The following KBTBD2 variants were observed in gnomAD, a reference collection of about 807,000 sequenced individuals.
The protein encoded by KBTBD2 is kelch repeat and BTB domain containing 2.
In KBTBD2, 17 loss-of-function variants were observed where a neutral mutation model predicts 57.1. The observed-to-expected ratio is 0.30, with a 90% CI of 0.20 to 0.45. The LOEUF is 0.45. Among genes scored for constraint, KBTBD2 ranks in the 20% least tolerant of loss-of-function variants. KBTBD2 has a pLI of 1.00. For synonymous variants in KBTBD2, 267 were observed against 262.7 expected (o/e 1.02, Z -0.16); for missense variants, 515 against 750.6 (o/e 0.69, Z 3.67).
Position 32,879,485 on chromosome 7 carries a change from A to G in KBTBD2, c.120T>C (p.Thr40=), listed in dbSNP as rs1464302860. The G allele has an allele frequency of 5.6e-6, 9 of 1,613,194 alleles. No individual in the cohort carries two copies. The highest frequency in any genetic ancestry group is 7.6e-6 in the Non-Finnish European group (9 of 1,179,404). ...GAACCATCTTATGACAAGGGAATTC[A>G]GTGCCCTCAACAATTAACACTATGT... ...FTDIVLIVEG[T]EFPCHKMVLA... The change falls in exon 2 of 4, where the codon ACT becomes ACC. Residue 40 remains threonine, a synonymous_variant. Coordinates refer to ENST00000304056, the MANE Select transcript of KBTBD2 (RefSeq NM_015483.3).
At chr7:32,874,821 G>A (rs548326850) in intron 3 of KBTBD2, 171 bp downstream of exon 3, 45 of 494,710 alleles carry the variant, frequency 9.1e-5, no homozygotes, top group East Asian at 2.6e-4. Context: ...GTGAAACCCC[G>A]TACTAAAAAT....
In KBTBD2 at chr7:32,873,775, A is replaced by G. The variant is rs139849569; in HGVS notation, c.336+1217T>C. ...TAACTTGAAATCAAAATTCTCAGGT[A>G]TATTAGGTAGTAAAACACACGAAAC... On this transcript the variant is annotated intron_variant, in intron 3 of 3. Coordinates refer to ENST00000304056, the MANE Select transcript of KBTBD2 (RefSeq NM_015483.3). 3.1e-3 allele frequency among the ~76,000 whole-genome samples: 467 copies of G among 152,246 alleles called. 1 individual carries two copies. Among genetic ancestry groups the G allele is most frequent in the African/African-American group, 0.011 (446 of 41,558 alleles).
chr7:32,876,818 G>A (rs1175986228), intron 2 of KBTBD2, among the ~76,000 whole-genome samples: 1 of 151,966 alleles, frequency 6.6e-6, no homozygotes, highest in Non-Finnish European at 1.5e-5. Context: ...TTTGCTGGGC[G>A]TGGTGGCAGG....
At chr7:32,878,054 G>T (rs1181415587) in intron 2 of KBTBD2, among the ~76,000 whole-genome samples, 2 of 151,414 alleles carry the variant, frequency 1.3e-5, no homozygotes, top group Admixed American at 1.3e-4. Flanking sequence ...AGAGGTTGCA[G>T]TGAGTCGAGA....
Position 32,869,255 on chromosome 7 carries a change from A to G in KBTBD2, c.*90T>C. ...ATTTATCAAAGATAGAATTTTATGT[A>G]CTCATATTTAGTTCTTTCATAGCCT... is the stretch of plus-strand genomic sequence containing the variant. On this transcript the variant is annotated 3_prime_UTR_variant, in exon 4 of 4. Coordinates refer to ENST00000304056, the MANE Select transcript of KBTBD2 (RefSeq NM_015483.3). 1 of 848,092 alleles carries G rather than the reference A, an allele frequency of 1.2e-6. No homozygotes were observed. The highest frequency in any genetic ancestry group is 1.8e-6 in the Non-Finnish European group (1 of 543,300). The allele number at this position is 848,092 out of a possible 1,614,324, so 52.5% of individuals were successfully genotyped here. A position where few individuals can be genotyped will look rare whatever the true frequency, so the allele number is the denominator to read the frequency against.
intron 1 of KBTBD2, among the ~76,000 whole-genome samples, chr7:32,890,798 C>T (rs1219569820): frequency 6.6e-6 from 1 of 152,156 alleles, no homozygotes; most frequent in Non-Finnish European, 1.5e-5. Context: ...CGCTCCTCTA[C>T]CTTTTGAGGC....
intron 3 of KBTBD2, among the ~76,000 whole-genome samples, chr7:32,873,381 A>G (rs1450509369): frequency 3.5e-5 from 4 of 113,898 alleles, no homozygotes; most frequent in Non-Finnish European, 7.0e-5. Context: ...TCTAAGCTCT[A>G]AGCAAAAAAA....
intron 1 of KBTBD2, among the ~76,000 whole-genome samples, chr7:32,887,318 T>C (rs1784604388): frequency 6.6e-6 from 1 of 152,214 alleles, no homozygotes; most frequent in Admixed American, 6.5e-5. Flanking sequence ...ACTGATCTGT[T>C]ACACAGCATG....
intron 1 of KBTBD2, among the ~76,000 whole-genome samples, chr7:32,885,358 C>G (rs1381296376): frequency 6.6e-6 from 1 of 151,468 alleles, no homozygotes; most frequent in Non-Finnish European, 1.5e-5. Flanking sequence ...TTCTTCTCAA[C>G]CAAAATATTC....
intron 2 of KBTBD2, 77 bp from the exon 3 acceptor site, chr7:32,875,234 CAAT>C: frequency 7.9e-7 from 1 of 1,270,016 alleles, no homozygotes; most frequent in Non-Finnish European, 1.1e-6. Flanking sequence ...AACAATTAGA[CAAT>C]AAGAGGTGTT....
Position 32,875,087 on chromosome 7 carries a change from T to G in KBTBD2, c.241A>C (p.Thr81Pro), listed in dbSNP as rs745455328. ...HVHLRNVDAA[T>P]LQIIITYAYT... ...GCATAAGTTATTATTATCTGTAAGGTGGCAGCATCGACATTCCTCAGGTGT... is the reference window on the plus strand; with the variant it reads ...GCATAAGTTATTATTATCTGTAAGGGGGCAGCATCGACATTCCTCAGGTGT... The change falls in exon 3 of 4, where the codon ACC becomes CCC. Residue 81 changes from threonine (T) to proline (P), a missense_variant. Thr to Pro is a conservative substitution (Grantham distance 38). Coordinates refer to ENST00000304056, the MANE Select transcript of KBTBD2 (RefSeq NM_015483.3). The G allele has an allele frequency of 2.5e-6, 4 of 1,614,086 alleles. No homozygotes were observed. In the African/African-American group the frequency reaches 5.3e-5, roughly 22 times the overall value.
At chr7:32,883,546 A>G (rs555066851) in intron 1 of KBTBD2, among the ~76,000 whole-genome samples, 1 of 135,842 alleles carries the variant, frequency 7.4e-6, no homozygotes, top group East Asian at 2.1e-4. Flanking sequence ...AGTATGTACT[A>G]TATTAATTAC....
intron 1 of KBTBD2, among the ~76,000 whole-genome samples, chr7:32,884,270 T>C (rs1259868046): frequency 6.6e-6 from 1 of 152,044 alleles, no homozygotes; most frequent in Admixed American, 6.6e-5. Flanking sequence ...CCCAGCACTT[T>C]GGGAGGCCAA....
chr7:32,890,030 TAA>T (rs1353984248), intron 1 of KBTBD2, among the ~76,000 whole-genome samples: 1 of 152,188 alleles, frequency 6.6e-6, no homozygotes, highest in Non-Finnish European at 1.5e-5. Flanking sequence ...GTGAATAACA[TAA>T]GTTAACATTT....
chr7:32,889,106 G>A (rs997573353), intron 1 of KBTBD2, among the ~76,000 whole-genome samples: 7 of 152,070 alleles, frequency 4.6e-5, no homozygotes, highest in African/African-American at 1.2e-4. Context: ...CAGGTCAGGA[G>A]ATCGAGACCA....
At chr7:32,875,282 C>CT in intron 2 of KBTBD2, 125 bp from the exon 3 acceptor site, 1 of 875,884 alleles carries the variant, frequency 1.1e-6, no homozygotes, top group Non-Finnish European at 1.8e-6. Context: ...GAAACTTTTT[C>CT]TTTTTTTGAG....
rs139151604 is a variant in KBTBD2, at chr7:32,890,160, C to T, written c.-339+1376G>A. Among the ~76,000 whole-genome samples, 903 of 152,306 alleles carry T rather than the reference C, an allele frequency of 5.9e-3. 10 individuals are homozygous for T. The highest frequency in any genetic ancestry group is 0.011 in the Admixed American group (166 of 15,300). On this transcript the variant is annotated intron_variant, in intron 1 of 3. Transcript: ENST00000304056. Reference sequence around the variant, plus strand: ...GGAAACGTGTGGACTACAGAGCATGCTCAACAGAAAGGCCACAGCACTCCC... The same window carrying T: ...GGAAACGTGTGGACTACAGAGCATGTTCAACAGAAAGGCCACAGCACTCCC...
intron 1 of KBTBD2, among the ~76,000 whole-genome samples, chr7:32,889,915 T>C (rs1473789775): frequency 6.6e-6 from 1 of 152,248 alleles, no homozygotes; most frequent in Non-Finnish European, 1.5e-5. Context: ...GTTCAATGTT[T>C]AGGAATGAAA....
At chr7:32,878,214 G>A (rs10262714) in intron 2 of KBTBD2, among the ~76,000 whole-genome samples, 40,704 of 151,966 alleles carry the variant, frequency 0.27, 5,992 homozygotes, top group African/African-American at 0.38. Context: ...GTGAAGTTTC[G>A]GTATCTTCAT....
Sources: allele counts gnomAD v4.1 joint callset (sites outside exome capture counted in the v4.1 genomes callset), GRCh38; gene constraint gnomAD v4.1.1; transcripts MANE v1.5; gene names NCBI Gene and HGNC (gene_info 2026-07-23, HGNC 2026-07-21).